Variants in NKAIN2 observed in about 807,000 individuals in gnomAD.
NKAIN2 encodes the protein sodium/potassium-transporting ATPase subunit beta-1-interacting protein 2.
NKAIN2 carries 14 observed loss-of-function variants against 32.6 expected under a neutral mutation model. The observed-to-expected ratio is 0.43, with a 90% CI of 0.28 to 0.67. The LOEUF is 0.67. Ranked by LOEUF, NKAIN2 falls within the 30% of genes least tolerant of loss-of-function variation. The pLI is 0.17. For missense variants in NKAIN2, 198 were observed against 258.3 expected (o/e 0.77, Z 1.60); for synonymous variants, 80 against 87.2 (o/e 0.92, Z 0.46).
chr6:124,051,618 C>T (rs1782404008), intron 1 of NKAIN2, among the ~76,000 whole-genome samples: 1 of 151,936 alleles, frequency 6.6e-6, no homozygotes, highest in East Asian at 1.9e-4. Context: ...TGTTCCCCTT[C>T]CTTTTAACAA....
intron 1 of NKAIN2, among the ~76,000 whole-genome samples, chr6:124,093,167 G>T (rs1784504337): frequency 6.6e-6 from 1 of 151,994 alleles, no homozygotes; most frequent in South Asian, 2.1e-4. Context: ...AGTTTGATTT[G>T]GTGTATATAT....
chr6:124,695,241 A>T (rs540020569), intron 4 of NKAIN2, among the ~76,000 whole-genome samples: 1 of 152,084 alleles, frequency 6.6e-6, no homozygotes, highest in East Asian at 1.9e-4. Context: ...TCCATCAGGG[A>T]TTAATAAACA....
At chr6:124,274,245 T>C (rs1323183474) in intron 1 of NKAIN2, among the ~76,000 whole-genome samples, 1 of 152,218 alleles carries the variant, frequency 6.6e-6, no homozygotes, top group Non-Finnish European at 1.5e-5. Flanking sequence ...TGTGAACTAG[T>C]CTGTACTGTG....
At chr6:124,713,470 T>C (rs997472272) in intron 4 of NKAIN2, among the ~76,000 whole-genome samples, 1 of 152,150 alleles carries the variant, frequency 6.6e-6, no homozygotes, top group Non-Finnish European at 1.5e-5. Flanking sequence ...GCTAAAACTT[T>C]CCAATAAAGA....
intron 3 of NKAIN2, among the ~76,000 whole-genome samples, chr6:124,381,744 G>A (rs1179289139): frequency 6.6e-6 from 1 of 152,134 alleles, no homozygotes; most frequent in African/African-American, 2.4e-5. Flanking sequence ...AAAAATGGAA[G>A]TTTCTTGTAT....
intron 1 of NKAIN2, among the ~76,000 whole-genome samples, chr6:124,135,494 C>A (rs1379498196): frequency 1.1e-5 from 1 of 90,030 alleles, no homozygotes; most frequent in Non-Finnish European, 2.1e-5. Flanking sequence ...TCACACAAAA[C>A]AGACTTTAAA....
In NKAIN2 at chr6:124,736,170, A is replaced by G. The variant is rs560824231; in HGVS notation, c.475-55169A>G. ...AGAAACATCCTTACTGCAGATATTG[A>G]GTGGTCAGGATAGATCAAAACAGCC... is the stretch of plus-strand genomic sequence containing the variant. On this transcript the variant is annotated intron_variant, in intron 4 of 6. Transcript: ENST00000368417. Among the ~76,000 whole-genome samples, 64 of 152,108 alleles carry G rather than the reference A, an allele frequency of 4.2e-4. 1 individual carries two copies. In the South Asian group the frequency reaches 0.012, roughly 30 times the overall value.
chr6:124,760,427 A>T (rs1034524790), intron 4 of NKAIN2, among the ~76,000 whole-genome samples: 5 of 146,020 alleles, frequency 3.4e-5, no homozygotes, highest in African/African-American at 1.3e-4. Context: ...TTAAAAAAAA[A>T]AAATAGGCAT....
intron 1 of NKAIN2, among the ~76,000 whole-genome samples, chr6:124,079,952 AG>A (rs968913864): frequency 2.6e-5 from 4 of 151,528 alleles, no homozygotes; most frequent in Admixed American, 2.6e-4. Flanking sequence ...AAAAAAAAAA[AG>A]GGAAAAAACT....
intron 1 of NKAIN2, among the ~76,000 whole-genome samples, chr6:124,055,709 A>G (rs1240034236): frequency 6.6e-6 from 1 of 152,004 alleles, no homozygotes; most frequent in East Asian, 1.9e-4. Context: ...TTATAGCACA[A>G]TGTGGAACAT....
At chr6:124,135,011 T>A (rs543291229) in intron 1 of NKAIN2, among the ~76,000 whole-genome samples, 1 of 152,076 alleles carries the variant, frequency 6.6e-6, no homozygotes, top group South Asian at 2.1e-4. Flanking sequence ...AACAAAACAA[T>A]TGGCAGCCAG....
At position 124,464,447 on chromosome 6, in the gene NKAIN2, C is replaced by G. The variant is rs555822275; in HGVS notation, c.273+109100C>G. The stretch of plus-strand genomic sequence containing the variant: ...TATAAGCTTTTTTTTTTTCTGCCAG[C>G]CTAAATTGTTACTTAGTGAAGATGA... On this transcript the variant is annotated intron_variant, in intron 3 of 6. Transcript: ENST00000368417. Among the ~76,000 whole-genome samples, 3 of 150,936 alleles carry G rather than the reference C, an allele frequency of 2.0e-5. No individual in the cohort carries two copies. The East Asian group carries it at 5.8e-4, about 29-fold the overall frequency.
chr6:124,298,578 G>C (rs1038016336), intron 2 of NKAIN2, among the ~76,000 whole-genome samples: 1 of 151,894 alleles, frequency 6.6e-6, no homozygotes, highest in Admixed American at 6.6e-5. Context: ...TATTTTTGTG[G>C]GTTATTGTCT....
chr6:124,794,437 T>A (rs1407359224), intron 5 of NKAIN2, among the ~76,000 whole-genome samples: 2 of 152,170 alleles, frequency 1.3e-5, no homozygotes. Context: ...CTCTCAATCA[T>A]CTAATAAGCC....
At chr6:124,274,287 T>C (rs1794930107) in intron 1 of NKAIN2, among the ~76,000 whole-genome samples, 1 of 152,190 alleles carries the variant, frequency 6.6e-6, no homozygotes, top group South Asian at 2.1e-4. Context: ...AGAGTAATAG[T>C]AATAATCATG....
intron 2 of NKAIN2, among the ~76,000 whole-genome samples, chr6:124,320,234 A>G (rs1797118439): frequency 6.6e-6 from 1 of 152,148 alleles, no homozygotes; most frequent in African/African-American, 2.4e-5. Flanking sequence ...CTCTTGCCCT[A>G]TAAGGTTTTT....
Position 124,722,664 on chromosome 6 carries a change from C to G in NKAIN2, c.474+64278C>G, listed in dbSNP as rs908817535. On this transcript the variant is annotated intron_variant, in intron 4 of 6. Coordinates refer to ENST00000368417, the MANE Select transcript of NKAIN2 (RefSeq NM_001040214.3). ...TCATAATGTAATGCTCCCTTGCCTG[C>G]TGCTCCCCTCCTCCTCTGAGGCCCA... 5.1e-4 allele frequency among the ~76,000 whole-genome samples: 78 copies of G among 152,298 alleles called. 1 individual carries two copies. Among genetic ancestry groups the G allele is most frequent in the Non-Finnish European group, 2.9e-5 (2 of 68,016 alleles).
intron 3 of NKAIN2, among the ~76,000 whole-genome samples, chr6:124,428,297 G>C (rs897524668): frequency 1.3e-5 from 2 of 152,012 alleles, no homozygotes; most frequent in African/African-American, 4.8e-5. Context: ...CGAAGAGCTG[G>C]AGACATGTTT....
At chr6:124,185,370 G>A (rs1483253435) in intron 1 of NKAIN2, among the ~76,000 whole-genome samples, 1 of 152,074 alleles carries the variant, frequency 6.6e-6, no homozygotes, top group African/African-American at 2.4e-5. Flanking sequence ...CAGAAGTACT[G>A]TGTGTCAGCT....
Sources: gnomAD v4.1 joint callset for allele counts (sites outside exome capture counted in the v4.1 genomes callset) on GRCh38, gnomAD v4.1.1 for gene constraint, MANE v1.5 for transcripts, NCBI Gene and HGNC (gene_info 2026-07-23, HGNC 2026-07-21) for gene names.